CPED1: variants seen among roughly 807,000 people sequenced by gnomAD.
CPED1 encodes cadherin-like and PC-esterase domain-containing protein 1.
In CPED1, 114 loss-of-function variants were observed where a neutral mutation model predicts 128.2. That is an observed-to-expected ratio of 0.89 (90% confidence interval 0.76 to 1.04). The LOEUF (loss-of-function observed/expected upper bound fraction) is 1.04. Ranked by LOEUF, CPED1 falls within the 50% of genes least tolerant of loss-of-function variation. The pLI is 0.00. For missense variants in CPED1, 1,211 were observed against 1,207.1 expected, an observed-to-expected ratio of 1.00 and a Z score of -0.05; for synonymous variants, 462 against 426.7, an observed-to-expected ratio of 1.08 and a Z score of -1.02.
chr7:121,015,637 A>ATTGAATT, intron 2 of CPED1, 28 bp from the exon 3 acceptor site: 1 of 1,574,284 alleles, frequency 6.4e-7, no homozygotes, highest in Non-Finnish European at 8.6e-7. Flanking sequence ...ACTTTTTTAT[A>ATTGAATT]TTGAATTTTT....
intron 7 of CPED1, among the ~76,000 whole-genome samples, chr7:121,115,401 T>A (rs1795213379): frequency 6.6e-6 from 1 of 152,188 alleles, no homozygotes; most frequent in African/African-American, 2.4e-5. Flanking sequence ...ACTTAAAAGT[T>A]AGGGCAAATT....
At chr7:121,022,613 G>A (rs140288822) in intron 3 of CPED1, among the ~76,000 whole-genome samples, 306 of 152,024 alleles carry the variant, frequency 2.0e-3, no homozygotes, top group African/African-American at 7.1e-3. Context: ...GGAGATGTAG[G>A]TTTGTGGGTC....
chr7:121,020,912 C>A (rs998613483), intron 3 of CPED1, among the ~76,000 whole-genome samples: 2 of 151,832 alleles, frequency 1.3e-5, no homozygotes, highest in Non-Finnish European at 2.9e-5. Context: ...AAAGCCAGAG[C>A]AACATTTGTA....
At chr7:121,209,172 G>T (rs1797589609) in intron 16 of CPED1, among the ~76,000 whole-genome samples, 1 of 151,744 alleles carries the variant, frequency 6.6e-6, no homozygotes, top group Admixed American at 6.6e-5. Flanking sequence ...TTTTGTTTTT[G>T]GCCCCTGTTG....
chr7:121,260,996 G>A lies in CPED1; in HGVS notation c.2311-5231G>A, dbSNP rs950018379. ...GATCAGAAGACTCTGAGAAGCTAAC[G>A]AGTTATACTACCTTTGTATTGATTC... On this transcript the variant is annotated intron_variant, in intron 18 of 22. Transcript: ENST00000310396. 5.9e-5 allele frequency among the ~76,000 whole-genome samples: 9 copies of A among 151,936 alleles called. No homozygotes were observed. The South Asian group carries it at 8.3e-4, about 14-fold the overall frequency.
rs140363690 is a variant in CPED1, at chr7:121,269,097, G to C, written c.2721+1795G>C. 6.4e-3 allele frequency among the ~76,000 whole-genome samples: 973 copies of C among 152,016 alleles called. 9 individuals are homozygous for C. The highest frequency in any genetic ancestry group is 0.022 in the African/African-American group (908 of 41,498). ...ATAGAAGACCCTCAAAAAATACCTGGTATACAAGTAAGTGTAGCAAGCGTA... is the reference window on the plus strand; with the variant it reads ...ATAGAAGACCCTCAAAAAATACCTGCTATACAAGTAAGTGTAGCAAGCGTA... On this transcript the variant is annotated intron_variant, in intron 21 of 22. Coordinates refer to ENST00000310396, the MANE Select transcript of CPED1 (RefSeq NM_024913.5).
At chr7:121,095,482 G>GTT (rs549325520) in intron 5 of CPED1, among the ~76,000 whole-genome samples, 1 of 146,830 alleles carries the variant, frequency 6.8e-6, no homozygotes, top group African/African-American at 2.5e-5. Flanking sequence ...AATTACAGAG[G>GTT]TTTTTTTTTT....
chr7:121,112,970 C>T (rs1332784279), intron 7 of CPED1, among the ~76,000 whole-genome samples: 2 of 151,972 alleles, frequency 1.3e-5, no homozygotes, highest in Non-Finnish European at 2.9e-5. Context: ...GAAGTGGGGA[C>T]GAGTATCTTG....
chr7:121,146,362 G>A (rs10258619), intron 16 of CPED1, among the ~76,000 whole-genome samples: 1 of 151,942 alleles, frequency 6.6e-6, no homozygotes, highest in Non-Finnish European at 1.5e-5. Context: ...AATCACATCC[G>A]AAAAATCTTA....
intron 7 of CPED1, among the ~76,000 whole-genome samples, chr7:121,114,874 TCTA>T (rs1452212819): frequency 6.6e-6 from 1 of 152,254 alleles, no homozygotes. Context: ...TAAAGGTACT[TCTA>T]CTGTTTACTG....
chr7:121,256,804 A>T (rs994232752), intron 18 of CPED1, among the ~76,000 whole-genome samples: 1 of 152,050 alleles, frequency 6.6e-6, no homozygotes, highest in Non-Finnish European at 1.5e-5. Context: ...TAGCAAAGAC[A>T]TGGAATCAAC....
intron 7 of CPED1, among the ~76,000 whole-genome samples, chr7:121,101,270 CTT>C (rs1471476093): frequency 6.6e-6 from 1 of 151,632 alleles, no homozygotes; most frequent in Non-Finnish European, 1.5e-5. Context: ...CAAAACAAAA[CTT>C]TATCAAGACA....
chr7:121,004,504 T>C (rs1791955108), intron 2 of CPED1, among the ~76,000 whole-genome samples: 3 of 152,108 alleles, frequency 2.0e-5, no homozygotes, highest in Non-Finnish European at 4.4e-5. Context: ...CACAAGTTCG[T>C]TCATGATGAC....
chr7:120,998,004 A>G (rs1796439491), intron 2 of CPED1, among the ~76,000 whole-genome samples: 2 of 152,024 alleles, frequency 1.3e-5, no homozygotes, highest in South Asian at 2.1e-4. Flanking sequence ...AGGACAGCAT[A>G]GGAAGACAGA....
chr7:121,075,072 CCTT>C (rs1412371584), intron 5 of CPED1, among the ~76,000 whole-genome samples: 3 of 152,146 alleles, frequency 2.0e-5, no homozygotes, highest in Non-Finnish European at 4.4e-5. Flanking sequence ...GGATTTGTCT[CCTT>C]CTTGGGAGCA....
chr7:121,020,145 A>G (rs1218881214), intron 3 of CPED1, among the ~76,000 whole-genome samples: 1 of 152,086 alleles, frequency 6.6e-6, no homozygotes, highest in Non-Finnish European at 1.5e-5. Context: ...GAAAAACAAA[A>G]TGCAAACCTG....
intron 16 of CPED1, among the ~76,000 whole-genome samples, chr7:121,157,884 A>G (rs1201628200): frequency 1.3e-5 from 2 of 152,086 alleles, no homozygotes; most frequent in African/African-American, 2.4e-5. Flanking sequence ...CCCTGGCTGA[A>G]AAAGTTCCCC....
intron 12 of CPED1, among the ~76,000 whole-genome samples, chr7:121,133,274 C>T (rs888242874): frequency 1.3e-5 from 2 of 151,920 alleles, no homozygotes; most frequent in African/African-American, 4.8e-5. Context: ...GCAATCTGGC[C>T]AAGTATTTAG....
At chr7:121,168,712 C>G (rs2116460175) in intron 16 of CPED1, among the ~76,000 whole-genome samples, 1 of 152,182 alleles carries the variant, frequency 6.6e-6, no homozygotes, top group East Asian at 1.9e-4. Flanking sequence ...ATTAACCATC[C>G]CCCACCTCTC....
Sources: allele counts gnomAD v4.1 joint callset (sites outside exome capture counted in the v4.1 genomes callset), GRCh38; gene constraint gnomAD v4.1.1; transcripts MANE v1.5; gene names NCBI Gene and HGNC (gene_info 2026-07-23, HGNC 2026-07-21).